The following ELMOD1 variants were observed in gnomAD, a reference collection of about 807,000 sequenced individuals.
ELMOD1 encodes ELMO domain containing 1.
Under a neutral mutation model 46.7 loss-of-function variants are expected in ELMOD1, and 21 were observed. That is an observed-to-expected ratio of 0.45 (90% CI 0.32 to 0.65). The LOEUF (loss-of-function observed/expected upper bound fraction) is 0.65. ELMOD1 is among the 30% of genes least tolerant of loss of function. The pLI is 0.04. For synonymous variants in ELMOD1, 122 were observed against 138.2 expected, an observed-to-expected ratio of 0.88 and a Z score of 0.82; for missense variants, 348 against 407.8, an observed-to-expected ratio of 0.85 and a Z score of 1.26.
chr11:107,630,406 GT>G lies in ELMOD1; in HGVS notation c.18-6del. On this transcript the variant is annotated splice_polypyrimidine_tract_variant and intron_variant, in intron 2 of 11. Transcript: ENST00000265840. ...TTCTATTGGAAGGGTGCTGTGTTTT[GT>G]TTTTCACAGAATGTTGATCCAGGTA... The G allele has an allele frequency of 6.3e-7, 1 of 1,589,042 alleles. No homozygotes were observed.
chr11:107,635,563 C>T (rs1401626609), intron 5 of ELMOD1, 73 bp from the exon 6 acceptor site: 1 of 1,481,338 alleles, frequency 6.8e-7, no homozygotes, highest in African/African-American at 1.4e-5. Flanking sequence ...ATCATGCATA[C>T]ATCAAGTGAA....
intron 6 of ELMOD1, among the ~76,000 whole-genome samples, chr11:107,638,633 C>A (rs1459965073): frequency 6.6e-6 from 1 of 152,180 alleles, no homozygotes; most frequent in Non-Finnish European, 1.5e-5. Flanking sequence ...TTGTTACCTA[C>A]TTCACAGAAC....
chr11:107,644,301 A>G (rs946951564), intron 6 of ELMOD1, among the ~76,000 whole-genome samples: 3 of 142,986 alleles, frequency 2.1e-5, no homozygotes, highest in African/African-American at 2.6e-5. Flanking sequence ...GTCTCCAAAG[A>G]AAAAAAAAAA....
chr11:107,663,202 G>A (rs1866774329), intron 11 of ELMOD1, among the ~76,000 whole-genome samples: 1 of 152,154 alleles, frequency 6.6e-6, no homozygotes, highest in African/African-American at 2.4e-5. Flanking sequence ...CTTTTCTGAT[G>A]TGTTCAGGTT....
chr11:107,624,439 C>A (rs536917230), intron 2 of ELMOD1, among the ~76,000 whole-genome samples: 1 of 152,062 alleles, frequency 6.6e-6, no homozygotes, highest in Non-Finnish European at 1.5e-5. Context: ...TTGCTCAAGC[C>A]CATGAGTTCA....
intron 11 of ELMOD1, among the ~76,000 whole-genome samples, chr11:107,659,195 G>A (rs1222146232): frequency 6.6e-6 from 1 of 152,180 alleles, no homozygotes; most frequent in Non-Finnish European, 1.5e-5. Context: ...GGGCAGTCCT[G>A]AAGAGCTCTG....
At chr11:107,599,465 G>A (rs1270273517) in intron 1 of ELMOD1, among the ~76,000 whole-genome samples, 1 of 152,044 alleles carries the variant, frequency 6.6e-6, no homozygotes, top group Non-Finnish European at 1.5e-5. Context: ...GCTTCTGCCA[G>A]GTGCGGTGGC....
intron 7 of ELMOD1, among the ~76,000 whole-genome samples, chr11:107,648,831 A>T (rs981773108): frequency 6.6e-6 from 1 of 150,904 alleles, no homozygotes; most frequent in Non-Finnish European, 1.5e-5. Flanking sequence ...TGTTTATTGT[A>T]ACTCAGCTAA....
chr11:107,625,364 C>A, intron 2 of ELMOD1: 2 of 959,276 alleles, frequency 2.1e-6, no homozygotes, highest in Non-Finnish European at 2.5e-6. Flanking sequence ...ACATATCTTT[C>A]ATCAACAATA....
chr11:107,636,164 G>C (rs1217055455), intron 6 of ELMOD1, among the ~76,000 whole-genome samples: 4 of 152,174 alleles, frequency 2.6e-5, no homozygotes, highest in African/African-American at 9.6e-5. Flanking sequence ...GTTGGTTTCT[G>C]CTTCAGCAAT....
chr11:107,604,453 A>G (rs1442070375), intron 1 of ELMOD1, among the ~76,000 whole-genome samples: 2 of 152,178 alleles, frequency 1.3e-5, no homozygotes, highest in African/African-American at 2.4e-5. Flanking sequence ...ATTTTCACCA[A>G]CCGATAAATT....
At chr11:107,652,413 GTGTT>G (rs72460824) in intron 9 of ELMOD1, among the ~76,000 whole-genome samples, 3,717 of 152,304 alleles carry the variant, frequency 0.024, 69 homozygotes, top group Admixed American at 0.053. Flanking sequence ...GTTTGTGTGT[GTGTT>G]TGTTTTCTCC....
intron 4 of ELMOD1, 148 bp downstream of exon 4, chr11:107,630,876 C>A: frequency 2.5e-6 from 2 of 804,502 alleles, no homozygotes; most frequent in Non-Finnish European, 3.9e-6. Flanking sequence ...CCATTACAAA[C>A]CACTGTACTA....
chr11:107,647,633 A>G (rs1472938109), intron 7 of ELMOD1, 32 bp downstream of exon 7: 2 of 1,603,600 alleles, frequency 1.2e-6, no homozygotes, highest in African/African-American at 2.7e-5. Context: ...TAAGTGTTCG[A>G]GTGATGTTTT....
chr11:107,649,000 A>G (rs1866480200), intron 7 of ELMOD1, among the ~76,000 whole-genome samples: 7 of 152,120 alleles, frequency 4.6e-5, no homozygotes, highest in Admixed American at 4.6e-4. Flanking sequence ...TTACTCAGTC[A>G]TTTTGGTGGC....
At chr11:107,652,845 G>A (rs1322768682) in intron 9 of ELMOD1, among the ~76,000 whole-genome samples, 4 of 152,084 alleles carry the variant, frequency 2.6e-5, no homozygotes, top group African/African-American at 9.7e-5. Flanking sequence ...ATGTTTTTGT[G>A]GTTGTGTGTT....
chr11:107,654,592 A>C (rs2135712949), intron 10 of ELMOD1, among the ~76,000 whole-genome samples: 1 of 151,964 alleles, frequency 6.6e-6, no homozygotes, highest in Non-Finnish European at 1.5e-5. Context: ...ACACGGTGAA[A>C]CCCCGTCTCT....
chr11:107,640,652 A>G (rs780414542), intron 6 of ELMOD1, among the ~76,000 whole-genome samples: 8 of 152,336 alleles, frequency 5.3e-5, no homozygotes, highest in Middle Eastern at 3.4e-3. Flanking sequence ...TTAATGAAAA[A>G]GAAGTTCCTC....
At chr11:107,615,656 T>C (rs1248665229) in intron 1 of ELMOD1, among the ~76,000 whole-genome samples, 1 of 152,184 alleles carries the variant, frequency 6.6e-6, no homozygotes, top group African/African-American at 2.4e-5. Context: ...TAATGTCCTT[T>C]TTTCTATTCC....
Sources: gnomAD v4.1 joint callset for allele counts (sites outside exome capture counted in the v4.1 genomes callset) on GRCh38, gnomAD v4.1.1 for gene constraint, MANE v1.5 for transcripts, NCBI Gene and HGNC (gene_info 2026-07-23, HGNC 2026-07-21) for gene names.